TET2: variants seen among roughly 807,000 people sequenced by gnomAD.
TET2 encodes tet methylcytosine dioxygenase 2.
TET2 carries 299 observed loss-of-function variants against 142.9 expected under a neutral mutation model. That is an observed-to-expected ratio of 2.09 (90% CI 1.90 to 2.30). The LOEUF is 2.30. Among genes scored for constraint, TET2 ranks in the 30% most tolerant of loss-of-function variants. The probability of loss-of-function intolerance (pLI) is 0.00; values close to 1 mark genes in which losing one functional copy is unlikely to be tolerated. For synonymous variants in TET2, 819 were observed against 849.0 expected, an observed-to-expected ratio of 0.96 and a Z score of 0.61; for missense variants, 2,418 against 2,378.0, an observed-to-expected ratio of 1.02 and a Z score of -0.35.
Position 105,269,668 on chromosome 4 carries a change from T to C in TET2, c.4103T>C (p.Phe1368Ser). The change falls in exon 9 of 11, where the codon TTC becomes TCC. Residue 1368 changes from phenylalanine to serine, a missense_variant. Coordinates refer to ENST00000380013, the MANE Select transcript of TET2 (RefSeq NM_001127208.3). The stretch of plus-strand genomic sequence containing the variant: ...CTGGGTCTGAAGGAAGGCCGTCCAT[T>C]CTCAGGGGTCACTGCATGTTTGGAC... ...CRLGLKEGRPFSGVTACLDFC... is the reference protein window; with the variant it reads ...CRLGLKEGRPSSGVTACLDFC... 1 of 1,551,622 alleles carries C rather than the reference T, an allele frequency of 6.4e-7. No homozygotes were observed.
Position 105,236,756 on chromosome 4 carries a change from T to A in TET2, c.2814T>A (p.Thr938=). 6.2e-7 allele frequency: 1 copy of A among 1,614,054 alleles called. No homozygotes were observed. The highest frequency in any genetic ancestry group is 1.1e-5 in the South Asian group (1 of 91,078). ...FPVPDQGGSH[T]QTPPQKDTQK... is the part of the protein sequence containing the mutation. ...TGCCTGACCAGGGAGGAAGTCACAC[T>A]CAGACCCCTCCCCAGAAGGACACTC... The change falls in exon 3 of 11, where the codon ACT becomes ACA. Residue 938 remains threonine, a synonymous_variant. Transcript: ENST00000380013.
chr4:105,233,680 A>G (rs1256112429), intron 2 of TET2, among the ~76,000 whole-genome samples: 1 of 152,208 alleles, frequency 6.6e-6, no homozygotes, highest in African/African-American at 2.4e-5. Context: ...CTCCATGACC[A>G]TAAATATTTT....
intron 6 of TET2, among the ~76,000 whole-genome samples, chr4:105,247,706 TTTC>T (rs1729647866): frequency 6.8e-6 from 1 of 146,638 alleles, no homozygotes; most frequent in African/African-American, 2.5e-5. Context: ...ACTGGTTCTT[TTTC>T]TTTTCTTTTT....
chr4:105,209,049 GTATATATATATATATATATATA>G (rs36045001), intron 2 of TET2, among the ~76,000 whole-genome samples: 4,343 of 44,416 alleles, frequency 0.098, 308 homozygotes, highest in East Asian at 0.22. Context: ...TCAAGGCATG[GTATATATATATATATATATATA>G]TATATATATA....
At chr4:105,219,772 G>A (rs1233539382) in intron 2 of TET2, among the ~76,000 whole-genome samples, 2 of 151,884 alleles carry the variant, frequency 1.3e-5, no homozygotes, top group Non-Finnish European at 1.5e-5. Flanking sequence ...TATATAACTC[G>A]ACTTTAAGAC....
rs1226176157 is a variant in TET2 at position 105,158,699 on chromosome 4, A to G, written c.-193+11720A>G. Among the ~76,000 whole-genome samples, 8 of 152,340 alleles carry G rather than the reference A, an allele frequency of 5.3e-5. No homozygotes were observed. In the East Asian group the frequency reaches 1.3e-3, roughly 26 times the overall value. The stretch of plus-strand genomic sequence containing the variant: ...TAGAGGAAGTAGAAAGTGCATTCAG[A>G]ATGCATTGCTGAAATTGTAAAACTG... On this transcript the variant is annotated intron_variant, in intron 1 of 10. Transcript: ENST00000380013.
Position 105,237,367 on chromosome 4 carries a change from G to A in TET2, c.3409+16G>A, listed in dbSNP as rs1729017892. The stretch of plus-strand genomic sequence containing the variant: ...AGATGTGTAGGTAAGTGCCAGAAAT[G>A]TACTGAGACACATGGCGTTTATCCA... On this transcript the variant is annotated intron_variant, in intron 3 of 10. Coordinates refer to ENST00000380013, the MANE Select transcript of TET2 (RefSeq NM_001127208.3). The A allele has an allele frequency of 3.1e-6, 5 of 1,613,954 alleles. No individual in the cohort carries two copies. The highest frequency in any genetic ancestry group is 4.2e-6 in the Non-Finnish European group (5 of 1,179,994).
At position 105,272,790 on chromosome 4, in the gene TET2, A is replaced by G; in HGVS notation, c.4409A>G (p.Glu1470Gly). The G allele has an allele frequency of 1.9e-6, 3 of 1,551,674 alleles. No individual in the cohort carries two copies. The change falls in exon 10 of 11, where the codon GAA becomes GGA. Residue 1470 changes from glutamate (E) to glycine (G), a missense_variant. Glu to Gly is a moderately conservative substitution (Grantham distance 98). Transcript: ENST00000380013. ...PVKTCRQRKL[E>G]AKKAAAEKLS... ...AAGACTTGCCGACAAAGGAAACTAG[A>G]AGCCAAGAAAGCTGCAGCTGAAAAG...
intron 2 of TET2, among the ~76,000 whole-genome samples, chr4:105,225,263 G>A (rs1047477735): frequency 6.6e-5 from 10 of 151,534 alleles, no homozygotes; most frequent in Non-Finnish European, 1.2e-4. Context: ...TAAGTTTATA[G>A]TGAAGCAGAT....
chr4:105,224,141 A>G (rs984409159), intron 2 of TET2, among the ~76,000 whole-genome samples: 3 of 152,126 alleles, frequency 2.0e-5, no homozygotes, highest in Non-Finnish European at 4.4e-5. Context: ...AGAGCAATAA[A>G]AGATATACCC....
chr4:105,229,168 G>C (rs1728349090), intron 2 of TET2, among the ~76,000 whole-genome samples: 1 of 151,962 alleles, frequency 6.6e-6, no homozygotes, highest in South Asian at 2.1e-4. Context: ...TCTCAATTTG[G>C]ACTAGACACA....
intron 2 of TET2, among the ~76,000 whole-genome samples, chr4:105,225,394 CTG>C (rs1371633470): frequency 6.6e-6 from 1 of 152,098 alleles, no homozygotes; most frequent in African/African-American, 2.4e-5. Flanking sequence ...GTGGTGTTCT[CTG>C]TACTTGCTGA....
Position 105,190,368 on chromosome 4 carries a change from AC to A in TET2, c.-183del. 1.5e-6 allele frequency: 1 copy of A among 674,610 alleles called. No individual in the cohort carries two copies. Among genetic ancestry groups the A allele is most frequent in the Non-Finnish European group, 2.7e-6 (1 of 373,342 alleles). The allele number at this position is 674,610 out of a possible 1,614,324, so 41.8% of individuals were successfully genotyped here. A position where few individuals can be genotyped will look rare whatever the true frequency, so the allele number is the denominator to read the frequency against. On this transcript the variant is annotated 5_prime_UTR_variant, in exon 2 of 11. Coordinates refer to ENST00000380013, the MANE Select transcript of TET2 (RefSeq NM_001127208.3). ...AACTCTGTCTTCTCTAGGCTGGCAAACATTCAGCAGCACACCCTCTCAAGAT... is the reference window on the plus strand; with the variant it reads ...AACTCTGTCTTCTCTAGGCTGGCAAAATTCAGCAGCACACCCTCTCAAGAT...
At chr4:105,165,642 A>C (rs1044730019) in intron 1 of TET2, among the ~76,000 whole-genome samples, 1 of 152,244 alleles carries the variant, frequency 6.6e-6, no homozygotes, top group Non-Finnish European at 1.5e-5. Flanking sequence ...AAGCAAATGA[A>C]TAGCAGACCC....
At position 105,242,937 on chromosome 4, in the gene TET2, A is replaced by C; in HGVS notation, c.3594+10A>C. 6.5e-7 allele frequency: 1 copy of C among 1,546,382 alleles called. No individual in the cohort carries two copies. Among genetic ancestry groups the C allele is most frequent in the Non-Finnish European group, 8.8e-7 (1 of 1,142,420 alleles). On this transcript the variant is annotated intron_variant, in intron 5 of 10. Coordinates refer to ENST00000380013, the MANE Select transcript of TET2 (RefSeq NM_001127208.3). ...TCCTATTGCTAAGTGGGTAAGTGTG[A>C]CTTGATAAAGCCTTTGGTCTTAAAT...
chr4:105,242,801 G>C (rs1049684108), intron 4 of TET2, 33 bp from the exon 5 acceptor site: 1 of 1,542,978 alleles, frequency 6.5e-7, no homozygotes, highest in Admixed American at 2.1e-5. Context: ...TTTGCTAATT[G>C]TATGTGTGTG....
rs571402296 is a variant in TET2 at position 105,161,776 on chromosome 4, A to G, written c.-193+14797A>G. Among the ~76,000 whole-genome samples, 7 of 152,356 alleles carry G rather than the reference A, an allele frequency of 4.6e-5. No individual in the cohort carries two copies. The East Asian group carries it at 5.8e-4, about 13-fold the overall frequency. ...CATGCAATAAACATTGACTTATTCA[A>G]TGCATAGGCTGTCTTCATAAAGATG... On this transcript the variant is annotated intron_variant, in intron 1 of 10. Transcript: ENST00000380013.
chr4:105,272,404 TAAC>T, intron 9 of TET2, among the ~76,000 whole-genome samples, 157 bp from the exon 10 acceptor site: 1 of 152,150 alleles, frequency 6.6e-6, no homozygotes, highest in Non-Finnish European at 1.5e-5. Flanking sequence ...TTTTCATTAA[TAAC>T]AGGTAGGATG....
chr4:105,243,918 TAAG>T, intron 6 of TET2, 140 bp downstream of exon 6: 5 of 702,730 alleles, frequency 7.1e-6, no homozygotes, highest in Non-Finnish European at 9.6e-6. Flanking sequence ...AGTCATGCGA[TAAG>T]AAGTTGTATT....
Sources: gnomAD v4.1 joint callset for allele counts (sites outside exome capture counted in the v4.1 genomes callset) on GRCh38, gnomAD v4.1.1 for gene constraint, MANE v1.5 for transcripts, NCBI Gene and HGNC (gene_info 2026-07-23, HGNC 2026-07-21) for gene names.